FOXJ3: variants seen among roughly 807,000 people sequenced by gnomAD.
The protein encoded by FOXJ3 is forkhead box J3.
FOXJ3 carries 22 observed loss-of-function variants against 76.1 expected under a neutral mutation model. The ratio of observed to expected loss-of-function variants is 0.29; its 90% CI spans 0.21 to 0.41. The LOEUF (loss-of-function observed/expected upper bound fraction) is 0.41, where lower values mean the gene tolerates loss of function less well. Among genes scored for constraint, FOXJ3 ranks in the 10% least tolerant of loss-of-function variants. The pLI is 1.00. For synonymous variants in FOXJ3, 269 were observed against 261.2 expected (o/e 1.03, Z -0.29); for missense variants, 613 against 762.1 (o/e 0.80, Z 2.30).
chr1:42,270,004 T>G (rs1445088048), intron 3 of FOXJ3, among the ~76,000 whole-genome samples: 1 of 152,178 alleles, frequency 6.6e-6, no homozygotes, highest in Admixed American at 6.5e-5. Context: ...AAACTTCCAG[T>G]GCACTTAGGA....
At chr1:42,212,967 A>AAC (rs1349141205) in intron 5 of FOXJ3, among the ~76,000 whole-genome samples, 5 of 144,848 alleles carry the variant, frequency 3.5e-5, no homozygotes, top group African/African-American at 1.1e-4. Context: ...CAAAAAAAAA[A>AAC]AAAACAAAAA....
At chr1:42,203,191 C>G (rs1261592399) in intron 6 of FOXJ3, among the ~76,000 whole-genome samples, 1 of 152,278 alleles carries the variant, frequency 6.6e-6, no homozygotes, top group East Asian at 1.9e-4. Flanking sequence ...TTCCAATTCT[C>G]TGGTAAATTT....
chr1:42,210,694 G>A (rs968532945), intron 5 of FOXJ3, among the ~76,000 whole-genome samples: 2 of 152,074 alleles, frequency 1.3e-5, no homozygotes, highest in Non-Finnish European at 2.9e-5. Context: ...ATCTCAAGGA[G>A]ATTTCCTTGA....
intron 4 of FOXJ3, among the ~76,000 whole-genome samples, chr1:42,234,714 A>G (rs1465185580): frequency 6.6e-6 from 1 of 152,098 alleles, no homozygotes; most frequent in Non-Finnish European, 1.5e-5. Context: ...AGAACAGCAG[A>G]TATTGGCAAG....
chr1:42,231,419 G>T (rs1557658020), intron 4 of FOXJ3, among the ~76,000 whole-genome samples: 1 of 152,132 alleles, frequency 6.6e-6, no homozygotes, highest in East Asian at 1.9e-4. Context: ...CCACTTATAA[G>T]TACTAAAATT....
intron 1 of FOXJ3, among the ~76,000 whole-genome samples, chr1:42,327,111 T>C (rs1474259861): frequency 6.6e-6 from 1 of 152,238 alleles, no homozygotes; most frequent in Non-Finnish European, 1.5e-5. Context: ...TATTCAAATG[T>C]AAGGTGGAAA....
intron 11 of FOXJ3, among the ~76,000 whole-genome samples, chr1:42,188,257 C>G (rs629602): frequency 6.6e-6 from 1 of 151,868 alleles, no homozygotes; most frequent in Non-Finnish European, 1.5e-5. Flanking sequence ...AAAAAATATA[C>G]AGGAAAGATT....
chr1:42,240,278 C>T (rs906007278), intron 4 of FOXJ3, among the ~76,000 whole-genome samples: 4 of 152,008 alleles, frequency 2.6e-5, no homozygotes, highest in Non-Finnish European at 5.9e-5. Flanking sequence ...GTTAAGATGG[C>T]GACACTCCCC....
At chr1:42,287,917 G>A (rs1315088054) in intron 2 of FOXJ3, among the ~76,000 whole-genome samples, 1 of 152,082 alleles carries the variant, frequency 6.6e-6, no homozygotes, top group Non-Finnish European at 1.5e-5. Flanking sequence ...AGTGAATTGT[G>A]ATCACACCAC....
chr1:42,248,723 GTTTTTTC>G (rs1649752908), intron 4 of FOXJ3, among the ~76,000 whole-genome samples: 1 of 110,692 alleles, frequency 9.0e-6, no homozygotes, highest in African/African-American at 3.6e-5. Flanking sequence ...CAAGTCTCCT[GTTTTTTC>G]TTTTTTTTTT....
At chr1:42,234,342 C>T (rs748443040) in intron 4 of FOXJ3, among the ~76,000 whole-genome samples, 1 of 151,900 alleles carries the variant, frequency 6.6e-6, no homozygotes, top group Admixed American at 6.6e-5. Flanking sequence ...GCCATGGGTT[C>T]GAGCTTCCTC....
At chr1:42,269,315 C>A (rs1179504952) in intron 3 of FOXJ3, among the ~76,000 whole-genome samples, 1 of 152,086 alleles carries the variant, frequency 6.6e-6, no homozygotes, top group Non-Finnish European at 1.5e-5. Context: ...GGGGAAAATA[C>A]AAATCAAGAT....
At chr1:42,271,269 G>A (rs1218163461) in intron 3 of FOXJ3, among the ~76,000 whole-genome samples, 1 of 151,502 alleles carries the variant, frequency 6.6e-6, no homozygotes, top group Non-Finnish European at 1.5e-5. Flanking sequence ...GTTTCTGCTT[G>A]CATTCTCTTT....
intron 4 of FOXJ3, among the ~76,000 whole-genome samples, chr1:42,236,486 C>T (rs1382701427): frequency 6.6e-6 from 1 of 152,218 alleles, no homozygotes; most frequent in Non-Finnish European, 1.5e-5. Context: ...TGAGCCATCA[C>T]ACTCAATCTA....
At chr1:42,192,980 G>A (rs1406830577) in intron 8 of FOXJ3, among the ~76,000 whole-genome samples, 1 of 152,120 alleles carries the variant, frequency 6.6e-6, no homozygotes, top group Non-Finnish European at 1.5e-5. Flanking sequence ...GGTTATTACT[G>A]TAAGATCAAA....
intron 5 of FOXJ3, among the ~76,000 whole-genome samples, chr1:42,226,092 A>T (rs887283536): frequency 2.0e-5 from 3 of 152,184 alleles, no homozygotes; most frequent in African/African-American, 7.2e-5. Flanking sequence ...TTAAAATGTG[A>T]ATTTTTCTCC....
chr1:42,199,623 TAA>T (rs34647911), intron 6 of FOXJ3, among the ~76,000 whole-genome samples: 47 of 145,628 alleles, frequency 3.2e-4, no homozygotes, highest in African/African-American at 9.9e-4. Context: ...ACGAAGCACA[TAA>T]AAAAAAAAAG....
At chr1:42,187,182 C>T (rs1418062577) in intron 11 of FOXJ3, among the ~76,000 whole-genome samples, 2 of 152,250 alleles carry the variant, frequency 1.3e-5, no homozygotes, top group Non-Finnish European at 2.9e-5. Flanking sequence ...CCCACATCAT[C>T]TTCTACTTCT....
chr1:42,194,537 A>G (rs766972686), intron 8 of FOXJ3, among the ~76,000 whole-genome samples: 1 of 152,222 alleles, frequency 6.6e-6, no homozygotes, highest in African/African-American at 2.4e-5. Context: ...AGGCACATCT[A>G]TTCTTGTGGT....
Sources: allele counts gnomAD v4.1 joint callset (sites outside exome capture counted in the v4.1 genomes callset), GRCh38; gene constraint gnomAD v4.1.1; transcripts MANE v1.5; gene names NCBI Gene and HGNC (gene_info 2026-07-23, HGNC 2026-07-21).